PGM2L1: variants seen among roughly 807,000 people sequenced by gnomAD.
PGM2L1 encodes glucose 1,6-bisphosphate synthase.
In PGM2L1, 35 loss-of-function variants were observed where a neutral mutation model predicts 73.4. The observed-to-expected ratio is 0.48, with a 90% CI of 0.36 to 0.63. The LOEUF (loss-of-function observed/expected upper bound fraction) is 0.63, where lower values mean the gene tolerates loss of function less well. Ranked by LOEUF, PGM2L1 falls within the 30% of genes least tolerant of loss-of-function variation. PGM2L1 has a pLI of 0.00. For missense variants in PGM2L1, 570 were observed against 742.0 expected (o/e 0.77, Z 2.69); for synonymous variants, 225 against 253.8 (o/e 0.89, Z 1.08).
chr11:74,347,904 C>A (rs1306216641), intron 6 of PGM2L1, among the ~76,000 whole-genome samples: 1 of 152,174 alleles, frequency 6.6e-6, no homozygotes, highest in Non-Finnish European at 1.5e-5. Flanking sequence ...TGCTGCCAGG[C>A]AATCCTACTT....
chr11:74,392,884 G>A (rs1863123989), intron 1 of PGM2L1, among the ~76,000 whole-genome samples: 1 of 152,164 alleles, frequency 6.6e-6, no homozygotes, highest in African/African-American at 2.4e-5. Context: ...CTTAGTTTAT[G>A]TTGTCACTAA....
At chr11:74,371,670 A>T in intron 3 of PGM2L1, 41 bp downstream of exon 3, 1 of 1,536,632 alleles carries the variant, frequency 6.5e-7, no homozygotes, top group Non-Finnish European at 9.0e-7. Context: ...AATATGTTTT[A>T]TTCTATTTCA....
At chr11:74,375,668 G>A (rs970769108) in intron 1 of PGM2L1, among the ~76,000 whole-genome samples, 1 of 152,046 alleles carries the variant, frequency 6.6e-6, no homozygotes, top group Non-Finnish European at 1.5e-5. Context: ...AAACAAAATG[G>A]TTTTCTGGTT....
rs562321753 is a variant in PGM2L1, at chr11:74,392,281, CA to C, written c.111+5769del. Among the ~76,000 whole-genome samples the C allele has an allele frequency of 1.0e-3, 151 of 150,070 alleles. 1 individual carries two copies. The highest frequency in any genetic ancestry group is 3.2e-3 in the African/African-American group (129 of 40,878). ...TTAAAATCATAAGCATGTATTTCTTCAAAAAAAATAAATTGCAAATAAAATG... is the reference window on the plus strand; with the variant it reads ...TTAAAATCATAAGCATGTATTTCTTCAAAAAAATAAATTGCAAATAAAATG... On this transcript the variant is annotated intron_variant, in intron 1 of 13. Transcript: ENST00000298198.
chr11:74,335,788 A>G lies in PGM2L1; in HGVS notation c.*864T>C, dbSNP rs1396450245. 1 of 152,638 alleles carries G rather than the reference A, an allele frequency of 6.6e-6. No individual in the cohort carries two copies. Among genetic ancestry groups the G allele is most frequent in the Admixed American group, 6.5e-5 (1 of 15,274 alleles). The allele number at this position is 152,638 out of a possible 1,614,324, so 9.5% of individuals were successfully genotyped here. A position where few individuals can be genotyped will look rare whatever the true frequency, so the allele number is the denominator to read the frequency against. On this transcript the variant is annotated 3_prime_UTR_variant, in exon 14 of 14. Coordinates refer to ENST00000298198, the MANE Select transcript of PGM2L1 (RefSeq NM_173582.6). ...TAAGCTTGCTTTTATTAAGATCTTT[A>G]TTTATATTCCTAAGATTTTAAAATC...
chr11:74,338,264 G>A (rs183672153), intron 13 of PGM2L1, among the ~76,000 whole-genome samples: 3 of 152,262 alleles, frequency 2.0e-5, no homozygotes, highest in South Asian at 4.1e-4. Context: ...GGCCGTAAAG[G>A]AGGGAAATGG....
Position 74,347,231 on chromosome 11 carries a change from T to A in PGM2L1, c.856A>T (p.Ile286Phe), listed in dbSNP as rs151273734. 2 of 1,613,146 alleles carry A rather than the reference T, an allele frequency of 1.2e-6. No homozygotes were observed. Among genetic ancestry groups the A allele is most frequent in the Non-Finnish European group, 1.7e-6 (2 of 1,179,564 alleles). The change falls in exon 7 of 14, where the codon ATT (isoleucine) becomes TTT (phenylalanine). Residue 286 changes from isoleucine (I) to phenylalanine (F), a missense_variant. By Grantham distance (21) the Ile-to-Phe change is conservative. Transcript: ENST00000298198. ...AFKVFGFKPPIPVPEQKDPDP... is the reference protein window; with the variant it reads ...AFKVFGFKPPFPVPEQKDPDP... ...GGATCTTTTTGTTCTGGTACTGGAA[T>A]TGGAGGCTTAAAACCAAACACTTTA...
At chr11:74,392,533 G>A (rs1281153659) in intron 1 of PGM2L1, among the ~76,000 whole-genome samples, 2 of 151,280 alleles carry the variant, frequency 1.3e-5, no homozygotes, top group African/African-American at 4.9e-5. Context: ...CTTTATAAAA[G>A]CCAATAAAAT....
intron 1 of PGM2L1, among the ~76,000 whole-genome samples, chr11:74,393,311 C>A (rs562383330): frequency 7.2e-5 from 11 of 152,302 alleles, no homozygotes; most frequent in Admixed American, 5.2e-4. Context: ...GGTGGCAGAT[C>A]CAAGCTCCCA....
rs1392787307 is a variant in PGM2L1, at chr11:74,335,634, CT to C, written c.*1017del. On this transcript the variant is annotated 3_prime_UTR_variant, in exon 14 of 14. Coordinates refer to ENST00000298198, the MANE Select transcript of PGM2L1 (RefSeq NM_173582.6). ...TTCATAAAATAAAAGAATAAATCTA[CT>C]TACAAAAATGTAATTCAAAAGTTAG... 6.6e-6 allele frequency: 1 copy of C among 151,736 alleles called. No homozygotes were observed. The highest frequency in any genetic ancestry group is 1.5e-5 in the Non-Finnish European group (1 of 67,880). 9.4% of individuals were successfully genotyped at this position (151,736 alleles called of 1,614,324 possible).
In PGM2L1 at chr11:74,357,328, C is replaced by T. The variant is rs1408554411; in HGVS notation, c.556-5752G>A. Among the ~76,000 whole-genome samples the T allele has an allele frequency of 4.6e-5, 7 of 152,160 alleles. No homozygotes were observed. The East Asian group carries it at 1.3e-3, about 29-fold the overall frequency. On this transcript the variant is annotated intron_variant, in intron 5 of 13. Coordinates refer to ENST00000298198, the MANE Select transcript of PGM2L1 (RefSeq NM_173582.6). ...GATGTATCTGAAAAAGGACTGTTAT[C>T]CAAAATATATAAAGAATTCTTAAAA...
At chr11:74,382,353 C>T (rs1370986611) in intron 1 of PGM2L1, among the ~76,000 whole-genome samples, 1 of 152,136 alleles carries the variant, frequency 6.6e-6, no homozygotes, top group Non-Finnish European at 1.5e-5. Context: ...AGAGGCCACT[C>T]CTTGTGGCCT....
intron 5 of PGM2L1, among the ~76,000 whole-genome samples, chr11:74,360,287 AGGGAGGT>A (rs1427224211): frequency 3.5e-5 from 5 of 143,402 alleles, no homozygotes; most frequent in East Asian, 4.4e-4. Flanking sequence ...GAAGGAAGGG[AGGGAGGT>A]AGGGAGGGAG....
intron 1 of PGM2L1, among the ~76,000 whole-genome samples, chr11:74,380,748 T>C (rs1862930793): frequency 6.6e-6 from 1 of 152,216 alleles, no homozygotes; most frequent in Non-Finnish European, 1.5e-5. Context: ...ATAGTCTAAC[T>C]TGTCTCTGTT....
Position 74,370,910 on chromosome 11 carries a change from G to C in PGM2L1, c.463C>G (p.Pro155Ala). 1 of 1,608,590 alleles carries C rather than the reference G, an allele frequency of 6.2e-7. No individual in the cohort carries two copies. Among genetic ancestry groups the C allele is most frequent in the South Asian group, 1.1e-5 (1 of 90,916 alleles). The change falls in exon 4 of 14, where the codon CCT (proline) becomes GCT (alanine). Residue 155 changes from proline (P) to alanine (A), a missense_variant. Coordinates refer to ENST00000298198, the MANE Select transcript of PGM2L1 (RefSeq NM_173582.6). ...CAACACAACACACTTACTACAAAAGGTGTAGGAACATATCTTGAAAAAAGG... is the reference window on the plus strand; with the variant it reads ...CAACACAACACACTTACTACAAAAGCTGTAGGAACATATCTTGAAAAAAGG... ...VYLFSRYVPT[P>A]FVPYAVQKLK...
intron 6 of PGM2L1, among the ~76,000 whole-genome samples, chr11:74,348,628 G>T (rs1207226572): frequency 6.6e-6 from 1 of 152,150 alleles, no homozygotes; most frequent in African/African-American, 2.4e-5. Flanking sequence ...ACTTGAAGCA[G>T]GACCTGAACG....
At chr11:74,377,897 GCT>G (rs1327870115) in intron 1 of PGM2L1, among the ~76,000 whole-genome samples, 1 of 151,870 alleles carries the variant, frequency 6.6e-6, no homozygotes, top group Non-Finnish European at 1.5e-5. Flanking sequence ...TTCTGAATGT[GCT>G]CTCTTATTTA....
intron 5 of PGM2L1, among the ~76,000 whole-genome samples, chr11:74,360,907 G>A (rs1166147497): frequency 2.6e-5 from 4 of 152,196 alleles, no homozygotes; most frequent in African/African-American, 9.6e-5. Context: ...CAGGAAGCTC[G>A]AACTGGGTGG....
At chr11:74,385,729 C>G (rs1006870589) in intron 1 of PGM2L1, among the ~76,000 whole-genome samples, 1 of 152,016 alleles carries the variant, frequency 6.6e-6, no homozygotes, top group African/African-American at 2.4e-5. Flanking sequence ...ATACTACCAA[C>G]AGGAGAACCC....
Sources: gnomAD v4.1 joint callset for allele counts (sites outside exome capture counted in the v4.1 genomes callset) on GRCh38, gnomAD v4.1.1 for gene constraint, MANE v1.5 for transcripts, NCBI Gene and HGNC (gene_info 2026-07-23, HGNC 2026-07-21) for gene names.